PACRG: variants seen among roughly 807,000 people sequenced by gnomAD.
The protein encoded by PACRG is parkin coregulated.
In PACRG, 29 loss-of-function variants were observed where a neutral mutation model predicts 29.7. The ratio of observed to expected loss-of-function variants is 0.98; its 90% confidence interval spans 0.73 to 1.33. The LOEUF is 1.33. Ranked by LOEUF, PACRG falls within the 40% of genes most tolerant of loss-of-function variation. The probability of loss-of-function intolerance (pLI) is 0.00; values close to 1 mark genes in which losing one functional copy is unlikely to be tolerated. For missense variants in PACRG, 279 were observed against 316.2 expected (o/e 0.88, Z 0.89); for synonymous variants, 116 against 118.7 (o/e 0.98, Z 0.15).
intron 4 of PACRG, among the ~76,000 whole-genome samples, chr6:163,301,216 A>G (rs566611629): frequency 6.6e-6 from 1 of 152,340 alleles, no homozygotes; most frequent in East Asian, 1.9e-4. Context: ...CTGTGCTCCT[A>G]AATTTGGAAA....
chr6:163,209,353 G>A (rs13206740), intron 4 of PACRG, among the ~76,000 whole-genome samples: 5 of 151,984 alleles, frequency 3.3e-5, no homozygotes, highest in Admixed American at 6.6e-5. Flanking sequence ...GCAAAAGGAC[G>A]AGAAATGGAT....
At chr6:163,201,401 C>G (rs1780692988) in intron 4 of PACRG, among the ~76,000 whole-genome samples, 1 of 152,162 alleles carries the variant, frequency 6.6e-6, no homozygotes, top group South Asian at 2.1e-4. Flanking sequence ...CTTTAAGACA[C>G]AGAGTCATAA....
intron 2 of PACRG, among the ~76,000 whole-genome samples, chr6:162,970,412 C>T (rs9365518): frequency 0.57 from 86,151 of 151,976 alleles, 24,698 homozygotes; most frequent in Middle Eastern, 0.71. Context: ...CTGCATTGAA[C>T]GTGCCGGGGA....
chr6:162,918,923 TA>T (rs1796879236), intron 2 of PACRG, among the ~76,000 whole-genome samples: 1 of 152,214 alleles, frequency 6.6e-6, no homozygotes, highest in African/African-American at 2.4e-5. Context: ...AACTGATTGA[TA>T]TTTAATAAAA....
chr6:163,284,802 T>C (rs1023243830), intron 4 of PACRG, among the ~76,000 whole-genome samples: 5 of 151,952 alleles, frequency 3.3e-5, no homozygotes, highest in African/African-American at 1.2e-4. Context: ...TGTCCTCCCC[T>C]GTTGCCCCTG....
At chr6:162,762,102 T>A (rs1244258035) in intron 1 of PACRG, among the ~76,000 whole-genome samples, 1 of 152,130 alleles carries the variant, frequency 6.6e-6, no homozygotes, top group East Asian at 1.9e-4. Context: ...CCATCCTTGA[T>A]GACATTAACT....
chr6:162,738,785 A>G (rs891671695), intron 1 of PACRG, among the ~76,000 whole-genome samples: 4 of 152,174 alleles, frequency 2.6e-5, no homozygotes, highest in African/African-American at 9.6e-5. Context: ...TATTTTCCCC[A>G]TAGGTTTCCC....
chr6:163,087,365 A>G (rs1813664697), intron 3 of PACRG, among the ~76,000 whole-genome samples: 1 of 136,216 alleles, frequency 7.3e-6, no homozygotes, highest in Non-Finnish European at 1.6e-5. Context: ...CAGAAGAGAG[A>G]TGGTGAAAAT....
chr6:163,123,681 A>G (rs1816397498), intron 4 of PACRG, among the ~76,000 whole-genome samples: 1 of 152,182 alleles, frequency 6.6e-6, no homozygotes, highest in South Asian at 2.1e-4. Flanking sequence ...TCCGCTAGTA[A>G]CCAGCGTTCT....
intron 4 of PACRG, among the ~76,000 whole-genome samples, chr6:163,154,258 A>G (rs1778223543): frequency 6.6e-6 from 1 of 152,228 alleles, no homozygotes; most frequent in African/African-American, 2.4e-5. Context: ...GGATGTGGCT[A>G]TAAAAGGTTC....
In PACRG at chr6:162,984,677, CTAGTATTTTTTTA is replaced by C. The variant is rs199786436; in HGVS notation, c.292-77471_292-77459del. 1.3e-3 allele frequency among the ~76,000 whole-genome samples: 195 copies of C among 151,716 alleles called. 1 individual carries two copies. Among genetic ancestry groups the C allele is most frequent in the African/African-American group, 4.4e-3 (181 of 41,444 alleles). ...CTTTTCACCACATCCATGCCAACAT[CTAGTATTTTTTTA>C]TTATGGCCATTCTTGCAGGAGTGAG... On this transcript the variant is annotated intron_variant, in intron 2 of 4. Coordinates refer to ENST00000366888, the MANE Select transcript of PACRG (RefSeq NM_001080379.2).
intron 1 of PACRG, among the ~76,000 whole-genome samples, chr6:162,779,293 C>T (rs71567668): frequency 0.089 from 13,592 of 152,174 alleles, 918 homozygotes; most frequent in South Asian, 0.23. Flanking sequence ...AACGAGCATT[C>T]GGGTTGATTT....
chr6:163,095,060 C>A (rs480064), intron 4 of PACRG, among the ~76,000 whole-genome samples: 1 of 151,876 alleles, frequency 6.6e-6, no homozygotes. Flanking sequence ...GGTTGTGCAG[C>A]GATCTAAGTG....
chr6:162,823,971 A>C (rs1219608956), intron 2 of PACRG, among the ~76,000 whole-genome samples: 1 of 152,202 alleles, frequency 6.6e-6, no homozygotes, highest in Non-Finnish European at 1.5e-5. Context: ...TTGGCCTAAA[A>C]GGGGACTTTG....
At chr6:163,288,515 T>G (rs1389944760) in intron 4 of PACRG, among the ~76,000 whole-genome samples, 1 of 152,220 alleles carries the variant, frequency 6.6e-6, no homozygotes, top group Admixed American at 6.5e-5. Flanking sequence ...TTCTCCTACA[T>G]TTGAAATTCT....
intron 4 of PACRG, among the ~76,000 whole-genome samples, chr6:163,106,442 T>C (rs1815385918): frequency 6.6e-6 from 1 of 152,222 alleles, no homozygotes; most frequent in African/African-American, 2.4e-5. Context: ...AAAAAAGTAG[T>C]GTTCAATACT....
chr6:162,996,556 A>G (rs540629693), intron 2 of PACRG, among the ~76,000 whole-genome samples: 1 of 152,342 alleles, frequency 6.6e-6, no homozygotes, highest in African/African-American at 2.4e-5. Context: ...GGAATGGCTA[A>G]TTAAATTATG....
intron 2 of PACRG, among the ~76,000 whole-genome samples, chr6:162,922,421 G>T (rs28863850): frequency 0.13 from 19,044 of 151,026 alleles, 2,857 homozygotes; most frequent in African/African-American, 0.36. Flanking sequence ...ATTTATCATT[G>T]CCACGTGTAA....
chr6:162,802,791 CA>C (rs1004997238), intron 1 of PACRG, among the ~76,000 whole-genome samples: 4 of 151,690 alleles, frequency 2.6e-5, no homozygotes, highest in African/African-American at 7.2e-5. Flanking sequence ...AAAACAAAAA[CA>C]AAAAAAATGG....
Sources: allele counts gnomAD v4.1 joint callset (sites outside exome capture counted in the v4.1 genomes callset), GRCh38; gene constraint gnomAD v4.1.1; transcripts MANE v1.5; gene names NCBI Gene and HGNC (gene_info 2026-07-23, HGNC 2026-07-21).